The following ATAD1 variants were observed in gnomAD, a reference collection of about 807,000 sequenced individuals.
The protein encoded by ATAD1 is ATPase family AAA domain containing 1, also known as outer mitochondrial transmembrane helix translocase.
In ATAD1, 18 loss-of-function variants were observed where a neutral mutation model predicts 42.7. The observed-to-expected ratio is 0.42, with a 90% CI of 0.29 to 0.63. The LOEUF is 0.63. Among genes scored for constraint, ATAD1 ranks in the 20% least tolerant of loss-of-function variants. The pLI is 0.19. For synonymous variants in ATAD1, 132 were observed against 143.1 expected (o/e 0.92, Z 0.55); for missense variants, 294 against 440.4 (o/e 0.67, Z 2.98).
chr10:87,798,627 T>G lies in ATAD1; in HGVS notation c.163-5872A>C, dbSNP rs572192474. ...GTTCCAAAGTAAAAGCTATAGGGGG[T>G]GTGTGTGTGTGTGTGTGTGTGTGTG... is the stretch of plus-strand genomic sequence containing the variant. On this transcript the variant is annotated intron_variant, in intron 2 of 9. Transcript: ENST00000680024. 1.1e-3 allele frequency among the ~76,000 whole-genome samples: 158 copies of G among 140,958 alleles called. 3 individuals are homozygous for G. The East Asian group carries it at 0.019, about 17-fold the overall frequency. The allele number at this position is 140,958 out of a possible 152,430, so 92.5% of individuals were successfully genotyped here.
chr10:87,782,525 T>C (rs1489984380), intron 5 of ATAD1, among the ~76,000 whole-genome samples: 1 of 152,168 alleles, frequency 6.6e-6, no homozygotes, highest in African/African-American at 2.4e-5. Context: ...GATATTATTA[T>C]TACCTAAGAG....
At chr10:87,814,634 G>C (rs75342429) in intron 1 of ATAD1, 22 bp from the exon 2 acceptor site, 1 of 1,556,908 alleles carries the variant, frequency 6.4e-7, no homozygotes, top group African/African-American at 1.4e-5. Context: ...AAACAGAAAT[G>C]TCACTAGGTA....
chr10:87,806,544 A>G (rs1856933499), intron 2 of ATAD1, among the ~76,000 whole-genome samples: 1 of 152,074 alleles, frequency 6.6e-6, no homozygotes, highest in Non-Finnish European at 1.5e-5. Flanking sequence ...TTGATTCCCT[A>G]AGGTTTAGTT....
chr10:87,784,377 A>G, intron 5 of ATAD1, 93 bp downstream of exon 5: 1 of 1,177,982 alleles, frequency 8.5e-7, no homozygotes, highest in Non-Finnish European at 1.2e-6. Context: ...TGTTTTATTA[A>G]CATGGCCTAA....
At chr10:87,791,204 CAAA>C (rs33991078) in intron 3 of ATAD1, among the ~76,000 whole-genome samples, 7 of 97,238 alleles carry the variant, frequency 7.2e-5, no homozygotes, top group Admixed American at 1.2e-4. Flanking sequence ...GACTCTGTCT[CAAA>C]AAAAAAAAAA....
At chr10:87,786,053 T>A (rs533405619) in intron 4 of ATAD1, among the ~76,000 whole-genome samples, 7 of 152,200 alleles carry the variant, frequency 4.6e-5, no homozygotes, top group Non-Finnish European at 1.0e-4. Flanking sequence ...ATTTGAATCT[T>A]CTACTGACAT....
intron 2 of ATAD1, among the ~76,000 whole-genome samples, chr10:87,805,216 C>T (rs1481821819): frequency 3.3e-5 from 5 of 152,182 alleles, no homozygotes; most frequent in Non-Finnish European, 7.4e-5. Context: ...CACACCTGAT[C>T]CTTGCCTTTA....
rs146022809 is a variant in ATAD1, at chr10:87,835,104, A to C, written c.-14+6083T>G. 3.5e-4 allele frequency among the ~76,000 whole-genome samples: 54 copies of C among 152,168 alleles called. 1 individual carries two copies. The East Asian group carries it at 9.2e-3, about 26-fold the overall frequency. ...TCTAAGTTTATTCTATTATGATTAG[A>C]GAGCATATTTTATATGATTTCAATT... On this transcript the variant is annotated intron_variant, in intron 1 of 4. Coordinates refer to the ATAD1 transcript ENST00000495903.
chr10:87,823,603 A>C (rs1436202301), intron 1 of ATAD1, among the ~76,000 whole-genome samples: 1 of 152,178 alleles, frequency 6.6e-6, no homozygotes, highest in East Asian at 1.9e-4. Context: ...AAAGATACAA[A>C]TGCATTAGTT....
chr10:87,784,694 T>C (rs1855742747), intron 4 of ATAD1, 24 bp from the exon 5 acceptor site: 2 of 1,602,058 alleles, frequency 1.2e-6, no homozygotes, highest in African/African-American at 1.3e-5. Context: ...TGTTATTTAT[T>C]ACCTTTAAGG....
chr10:87,820,074 G>A (rs902348485), upstream of ATAD1, among the ~76,000 whole-genome samples: 1 of 152,066 alleles, frequency 6.6e-6, no homozygotes, highest in South Asian at 2.1e-4. Flanking sequence ...ATTATGAGAC[G>A]AGGACAATGT....
intron 7 of ATAD1, among the ~76,000 whole-genome samples, chr10:87,769,003 C>T (rs1257868862): frequency 6.6e-6 from 1 of 152,106 alleles, no homozygotes; most frequent in Non-Finnish European, 1.5e-5. Context: ...ACTGTTTGAG[C>T]CCAAGAGTCA....
chr10:87,823,398 A>G (rs1857667303), intron 1 of ATAD1, among the ~76,000 whole-genome samples: 1 of 152,164 alleles, frequency 6.6e-6, no homozygotes, highest in African/African-American at 2.4e-5. Context: ...TTCAAATGAT[A>G]CTATCTGTGA....
chr10:87,827,249 A>G (rs1857747302), intron 1 of ATAD1, among the ~76,000 whole-genome samples: 1 of 152,210 alleles, frequency 6.6e-6, no homozygotes, highest in Non-Finnish European at 1.5e-5. Context: ...TTCAGTATTT[A>G]TGCAGTATTT....
chr10:87,838,461 C>CAAAAAA (rs770282016), intron 1 of ATAD1, among the ~76,000 whole-genome samples: 2 of 42,638 alleles, frequency 4.7e-5, no homozygotes, highest in African/African-American at 8.9e-5. Context: ...GACTCTATCT[C>CAAAAAA]AAAAAAAAAA....
Position 87,754,365 on chromosome 10 carries a change from C to T in ATAD1, c.*322G>A, listed in dbSNP as rs1854128169. 1.2e-5 allele frequency: 2 copies of T among 171,538 alleles called. No individual in the cohort carries two copies. Among genetic ancestry groups the T allele is most frequent in the Non-Finnish European group, 2.5e-5 (2 of 79,938 alleles). The allele number at this position is 171,538 out of a possible 1,614,324, so 10.6% of individuals were successfully genotyped here. On this transcript the variant is annotated 3_prime_UTR_variant, in exon 10 of 10. Transcript: ENST00000680024. ...AGGAACCAGCACCTAACCACATCCC[C>T]GTTTCTCACTAATGACCCAATGAAT... is the stretch of plus-strand genomic sequence containing the variant.
At chr10:87,803,449 C>T (rs1186221889) in intron 2 of ATAD1, among the ~76,000 whole-genome samples, 1 of 152,164 alleles carries the variant, frequency 6.6e-6, no homozygotes, top group Non-Finnish European at 1.5e-5. Context: ...CAAAGTCACC[C>T]CTCTGCTGAG....
At position 87,751,599 on chromosome 10, in the gene ATAD1, A is replaced by T. The variant is rs539097537; in HGVS notation, c.*3088T>A. On this transcript the variant is annotated 3_prime_UTR_variant, in exon 10 of 10. Coordinates refer to ENST00000680024, the MANE Select transcript of ATAD1 (RefSeq NM_001321967.2). ...CATGATTTAGGCAGAATGTTTTCCT[A>T]TACATGTAAATAAAGAGAACTTTAG... The T allele has an allele frequency of 6.6e-6, 1 of 152,290 alleles. No individual in the cohort carries two copies. Among genetic ancestry groups the T allele is most frequent in the Non-Finnish European group, 1.5e-5 (1 of 68,030 alleles). The allele number at this position is 152,290 out of a possible 1,614,324, so 9.4% of individuals were successfully genotyped here.
At chr10:87,825,685 C>T (rs1173617552) in intron 1 of ATAD1, among the ~76,000 whole-genome samples, 1 of 151,216 alleles carries the variant, frequency 6.6e-6, no homozygotes, top group Non-Finnish European at 1.5e-5. Context: ...AAATTTAATT[C>T]ATTTGAGCAC....
Sources: gnomAD v4.1 joint callset for allele counts (sites outside exome capture counted in the v4.1 genomes callset) on GRCh38, gnomAD v4.1.1 for gene constraint, MANE v1.5 for transcripts, NCBI Gene and HGNC (gene_info 2026-07-23, HGNC 2026-07-21) for gene names.